ADARB2: variants seen among roughly 807,000 people sequenced by gnomAD.
ADARB2 encodes the protein adenosine deaminase RNA specific B2 (inactive), also known as inactive double-stranded RNA-specific editase B2.
A neutral mutation model predicts 62.2 loss-of-function variants in ADARB2; 25 were observed. The observed-to-expected ratio is 0.40, with a 90% CI of 0.29 to 0.56. The LOEUF (loss-of-function observed/expected upper bound fraction) is 0.56. ADARB2 is among the 20% of genes least tolerant of loss of function. The pLI is 0.43. For missense variants in ADARB2, 1,071 were observed against 1,077.4 expected (o/e 0.99, Z 0.08); for synonymous variants, 572 against 500.8 (o/e 1.14, Z -1.90).
chr10:1,239,937 T>C (rs370020967), intron 5 of ADARB2, among the ~76,000 whole-genome samples: 13 of 10,478 alleles, frequency 1.2e-3, no homozygotes, highest in South Asian at 4.6e-3. Flanking sequence ...TTCACTCCCC[T>C]CTGCCTCCCG....
At chr10:1,353,875 C>G (rs562611500) in intron 3 of ADARB2, among the ~76,000 whole-genome samples, 1 of 152,174 alleles carries the variant, frequency 6.6e-6, no homozygotes, top group Non-Finnish European at 1.5e-5. Flanking sequence ...CCATCCTTGG[C>G]TACCTTCCCC....
At chr10:1,489,461 C>T (rs937502980) in intron 1 of ADARB2, among the ~76,000 whole-genome samples, 2 of 152,262 alleles carry the variant, frequency 1.3e-5, no homozygotes, top group African/African-American at 4.8e-5. Flanking sequence ...CTAACATTTT[C>T]CTGTGAGTCC....
At chr10:1,216,614 A>G (rs1375166068) in intron 7 of ADARB2, 2 of 332,158 alleles carry the variant, frequency 6.0e-6, no homozygotes, top group East Asian at 7.3e-5. Flanking sequence ...TCGTTAGCCT[A>G]TGGCCACCCC....
At position 1,549,808 on chromosome 10, in the gene ADARB2, C is replaced by T. The variant is rs1832588670; in HGVS notation, c.101-170648G>A. On this transcript the variant is annotated intron_variant, in intron 1 of 9. Coordinates refer to ENST00000381312, the MANE Select transcript of ADARB2 (RefSeq NM_018702.4). Reference sequence around the variant, plus strand: ...GTTCAAGCGTGGGAACCACCCCAGACCCTTCCTTCCAGCCAACTGCGATCC... The same window carrying T: ...GTTCAAGCGTGGGAACCACCCCAGATCCTTCCTTCCAGCCAACTGCGATCC... Among the ~76,000 whole-genome samples the T allele has an allele frequency of 2.6e-5, 4 of 152,286 alleles. No homozygotes were observed. In the South Asian group the frequency reaches 8.3e-4, roughly 32 times the overall value.
At chr10:1,224,679 A>T (rs1273880227) in intron 6 of ADARB2, among the ~76,000 whole-genome samples, 1 of 152,166 alleles carries the variant, frequency 6.6e-6, no homozygotes, top group Non-Finnish European at 1.5e-5. Context: ...TCATTTCATT[A>T]TGTACCCAGT....
rs1479700296 is a variant in ADARB2, at chr10:1,426,979, G to A, written c.101-47819C>T. 6.6e-6 allele frequency among the ~76,000 whole-genome samples: 1 copy of A among 152,268 alleles called. No homozygotes were observed. The highest frequency in any genetic ancestry group is 1.5e-5 in the Non-Finnish European group (1 of 68,054). On this transcript the variant is annotated intron_variant, in intron 1 of 9. Coordinates refer to ENST00000381312, the MANE Select transcript of ADARB2 (RefSeq NM_018702.4). The surrounding 1 kb of genome is among the most constrained non-coding windows in gnomAD (Gnocchi z 4.1). ...CCACAGAGCTATGTGTCGGCCCCAC[G>A]CTTGGGCAGACCACTGCAGGCACGT...
At chr10:1,550,392 T>G (rs1392811245) in intron 1 of ADARB2, among the ~76,000 whole-genome samples, 2 of 152,188 alleles carry the variant, frequency 1.3e-5, no homozygotes, top group East Asian at 3.9e-4. Flanking sequence ...GAAAGCTCAT[T>G]CTTTGGAGAG....
intron 1 of ADARB2, among the ~76,000 whole-genome samples, chr10:1,557,843 C>T (rs908665823): frequency 1.3e-5 from 2 of 152,142 alleles, no homozygotes; most frequent in African/African-American, 2.4e-5. Context: ...ACCCGGGAGG[C>T]GGAGGTTGCG....
chr10:1,222,885 A>C, intron 6 of ADARB2, among the ~76,000 whole-genome samples: 1 of 150,440 alleles, frequency 6.6e-6, no homozygotes, highest in African/African-American at 2.5e-5. Context: ...CTTAGGATTG[A>C]CTTGGTGATG....
At chr10:1,448,477 C>T (rs112376809) in intron 1 of ADARB2, among the ~76,000 whole-genome samples, 31 of 152,222 alleles carry the variant, frequency 2.0e-4, no homozygotes, top group African/African-American at 4.1e-4. Context: ...ATCCCTCCTC[C>T]TTGGAAGTGC....
At chr10:1,412,054 G>A (rs540963233) in intron 1 of ADARB2, among the ~76,000 whole-genome samples, 1 of 152,298 alleles carries the variant, frequency 6.6e-6, no homozygotes, top group East Asian at 1.9e-4. Context: ...GGAATTTGAG[G>A]AGAGTGCTTG....
rs574842379 is a variant in ADARB2, at chr10:1,402,772, C to T, written c.101-23612G>A. On this transcript the variant is annotated intron_variant, in intron 1 of 9. Transcript: ENST00000381312. ...AGCTCCAACGGGGGCTCTGATTAAC[C>T]TGATCAGCATAAACCTACTCTCCTG... is the stretch of plus-strand genomic sequence containing the variant. Among the ~76,000 whole-genome samples the T allele has an allele frequency of 3.9e-5, 6 of 152,310 alleles. No homozygotes were observed. In the East Asian group the frequency reaches 1.2e-3, roughly 29 times the overall value.
intron 3 of ADARB2, among the ~76,000 whole-genome samples, chr10:1,351,040 C>T (rs922624225): frequency 6.6e-6 from 1 of 152,116 alleles, no homozygotes; most frequent in African/African-American, 2.4e-5. Flanking sequence ...AGAAATCTGG[C>T]CACCGGGCCA....
At chr10:1,634,476 T>A (rs1446797728) in intron 1 of ADARB2, among the ~76,000 whole-genome samples, 1 of 152,188 alleles carries the variant, frequency 6.6e-6, no homozygotes, top group Non-Finnish European at 1.5e-5. Context: ...CGGCTGGCCC[T>A]GGGCTCTGGA....
intron 1 of ADARB2, among the ~76,000 whole-genome samples, chr10:1,667,607 T>C (rs932983522): frequency 1.3e-5 from 2 of 152,210 alleles, no homozygotes; most frequent in African/African-American, 4.8e-5. Context: ...AAGGGGTGTT[T>C]ACCATAATTG....
rs1214489767 is a variant in ADARB2, at chr10:1,398,083, C to T, written c.101-18923G>A. Among the ~76,000 whole-genome samples, 1 of 142,872 alleles carries T rather than the reference C, an allele frequency of 7.0e-6. No individual in the cohort carries two copies. The highest frequency in any genetic ancestry group is 2.7e-5 in the African/African-American group (1 of 37,630). 93.7% of individuals were successfully genotyped at this position (142,872 alleles called of 152,430 possible). ...CCCGAGTGCAGGCTTCCTGGGTCACCGCCCTCCTCTCCCCTCCCGAGTGCA... is the reference window on the plus strand; with the variant it reads ...CCCGAGTGCAGGCTTCCTGGGTCACTGCCCTCCTCTCCCCTCCCGAGTGCA... On this transcript the variant is annotated intron_variant, in intron 1 of 9. Coordinates refer to ENST00000381312, the MANE Select transcript of ADARB2 (RefSeq NM_018702.4). This position sits in a 1 kb window ranked among gnomAD's most constrained non-coding sequence, Gnocchi z 4.1.
At chr10:1,586,893 G>T (rs1205469888) in intron 1 of ADARB2, among the ~76,000 whole-genome samples, 3 of 152,124 alleles carry the variant, frequency 2.0e-5, no homozygotes, top group African/African-American at 7.2e-5. Context: ...AAACAGAAAT[G>T]AAATACAATG....
At chr10:1,658,530 G>A (rs537495198) in intron 1 of ADARB2, among the ~76,000 whole-genome samples, 107 of 151,756 alleles carry the variant, frequency 7.1e-4, no homozygotes, top group Non-Finnish European at 1.2e-3. Context: ...CCTGATTCGC[G>A]TCTCTCTCTG....
At chr10:1,240,444 G>C (rs942642551) in intron 5 of ADARB2, 1 of 151,734 alleles carries the variant, frequency 6.6e-6, no homozygotes, top group African/African-American at 2.5e-5. Flanking sequence ...ATTGTGTTCT[G>C]TGGGGCCCTG....
Sources: allele counts gnomAD v4.1 joint callset (sites outside exome capture counted in the v4.1 genomes callset), GRCh38; gene constraint gnomAD v4.1.1; non-coding constraint Gnocchi (gnomAD v3.1); transcripts MANE v1.5; gene names NCBI Gene and HGNC (gene_info 2026-07-23, HGNC 2026-07-21).